Variants in ZSCAN29 observed in about 807,000 individuals in gnomAD.
ZSCAN29 encodes the protein zinc finger and SCAN domain containing 29.
In ZSCAN29, 55 loss-of-function variants were observed where a neutral mutation model predicts 71.9. The observed-to-expected ratio is 0.76, with a 90% CI of 0.62 to 0.96. The LOEUF (loss-of-function observed/expected upper bound fraction) is 0.96. Among genes scored for constraint, ZSCAN29 ranks in the 40% least tolerant of loss-of-function variants. The pLI is 0.00. For synonymous variants in ZSCAN29, 351 were observed against 371.6 expected (o/e 0.94, Z 0.64); for missense variants, 1,042 against 1,042.2 (o/e 1.00, Z 0.00).
intron 2 of ZSCAN29, 166 bp downstream of exon 2, chr15:43,369,430 A>C: frequency 2.8e-6 from 2 of 721,386 alleles, no homozygotes; most frequent in Non-Finnish European, 2.2e-6. Flanking sequence ...AGGTACACCC[A>C]GGAAGCATCT....
chr15:43,370,973 T>TGGCCCCGGCCCCGGCCCC lies in ZSCAN29; in HGVS notation c.-529_-528insGGGGCCGGGGCCGGGGCC, dbSNP rs775941816. On this transcript the variant is annotated 5_prime_UTR_variant, in exon 1 of 6. Transcript: ENST00000684362. Reference sequence around the variant, plus strand: ...GCCTCACCCACTCGGGGTCCGACCCTGACCCCGGCCCCGGCCCCGGCCCCG... The same window carrying TGGCCCCGGCCCCGGCCCC: ...GCCTCACCCACTCGGGGTCCGACCCTGGCCCCGGCCCCGGCCCCGACCCCGGCCCCGGCCCCGGCCCCG... 1.5e-4 allele frequency: 17 copies of TGGCCCCGGCCCCGGCCCC among 112,992 alleles called. No individual in the cohort carries two copies. The highest frequency in any genetic ancestry group is 2.8e-4 in the Admixed American group (2 of 7,230). The allele number at this position is 112,992 out of a possible 1,614,324, so 7.0% of individuals were successfully genotyped here.
rs1422552155 is a variant in ZSCAN29, at chr15:43,369,897, G to C, written c.17C>G (p.Ala6Gly). MMAKS[A>G]LRENGTNSET... ...AGAGTTAGTGCCATTCTCTCTTAGA[G>C]CTGATTTGGCCATCATTAATAGCAG... The change falls in exon 2 of 6, where the codon GCT becomes GGT. Residue 6 changes from alanine to glycine, a missense_variant. By Grantham distance (60) the Ala-to-Gly change is moderately conservative. Coordinates refer to ENST00000684362, the MANE Select transcript of ZSCAN29 (RefSeq NM_001372080.1). The C allele has an allele frequency of 6.2e-7, 1 of 1,602,896 alleles. No homozygotes were observed. Among genetic ancestry groups the C allele is most frequent in the East Asian group, 2.2e-5 (1 of 44,786 alleles).
chr15:43,358,431 G>C lies in ZSCAN29; in HGVS notation c.*2642C>G, dbSNP rs2043952817. Reference sequence around the variant, plus strand: ...AGATCCTGAGGCACTGCTTCAGACTGGTGTTTCTTGTAGCTTCCTGTCTGC... The same window carrying C: ...AGATCCTGAGGCACTGCTTCAGACTCGTGTTTCTTGTAGCTTCCTGTCTGC... On this transcript the variant is annotated 3_prime_UTR_variant, in exon 6 of 6. Transcript: ENST00000684362. 1 of 151,808 alleles carries C rather than the reference G, an allele frequency of 6.6e-6. No individual in the cohort carries two copies. The highest frequency in any genetic ancestry group is 1.5e-5 in the Non-Finnish European group (1 of 67,970). The allele number at this position is 151,808 out of a possible 1,614,324, so 9.4% of individuals were successfully genotyped here.
chr15:43,362,567 T>G (rs1447248539), intron 5 of ZSCAN29, among the ~76,000 whole-genome samples: 1 of 152,206 alleles, frequency 6.6e-6, no homozygotes, highest in Non-Finnish European at 1.5e-5. Context: ...CTATTTCAGG[T>G]AAACTCTGAA....
rs759913932 is a variant in ZSCAN29, at chr15:43,368,525, CAAAAAAAAAAAAAA to C, written c.523+384_523+397del. Among the ~76,000 whole-genome samples, 6 of 10,220 alleles carry C rather than the reference CAAAAAAAAAAAAAA, an allele frequency of 5.9e-4. 1 individual carries two copies. In the South Asian group the frequency reaches 0.017, roughly 30 times the overall value. The allele number at this position is 10,220 out of a possible 152,430, so 6.7% of individuals were successfully genotyped here. A position where few individuals can be genotyped will look rare whatever the true frequency, so the allele number is the denominator to read the frequency against. On this transcript the variant is annotated intron_variant, in intron 3 of 5. Transcript: ENST00000684362. ...TGGGCGACAGAGCGAGACTCCGTCT[CAAAAAAAAAAAAAA>C]AAAAAAAAAAAAAAAAAAAGAATGG... is the stretch of plus-strand genomic sequence containing the variant.
At position 43,361,555 on chromosome 15, in the gene ZSCAN29, G is replaced by A. The variant is rs748304231; in HGVS notation, c.2077C>T (p.Leu693Phe). ...GTGTGGATTCTCCGGTGTCTAATGA[G>A]TCGTGCACTCCGACTGAAGCTTTTC... ...CGKSFSRSARLIRHRRIHTGE... is the reference protein window; with the variant it reads ...CGKSFSRSARFIRHRRIHTGE... Residue 693 changes from leucine to phenylalanine, a missense_variant, in exon 6 of 6, where the codon CTC becomes TTC. Physicochemically the swap from Leu to Phe is conservative, Grantham distance 22. Coordinates refer to ENST00000684362, the MANE Select transcript of ZSCAN29 (RefSeq NM_001372080.1). 1.4e-5 allele frequency: 22 copies of A among 1,614,048 alleles called. No individual in the cohort carries two copies. In the South Asian group the frequency reaches 2.4e-4, roughly 18 times the overall value.
At chr15:43,364,514 T>C (rs1473903492) in intron 4 of ZSCAN29, 132 bp from the exon 5 acceptor site, 16 of 868,092 alleles carry the variant, frequency 1.8e-5, no homozygotes, top group Non-Finnish European at 2.8e-5. Context: ...AAATACTTCA[T>C]GTTTCCAAAA....
chr15:43,370,965 T>TCCGGCCCCGGCC lies in ZSCAN29; in HGVS notation c.-521_-520insGGCCGGGGCCGG, dbSNP rs1300558345. ...CCGGGCCAGCCTCACCCACTCGGGGTCCGACCCTGACCCCGGCCCCGGCCC... is the reference window on the plus strand; with the variant it reads ...CCGGGCCAGCCTCACCCACTCGGGGTCCGGCCCCGGCCCCGACCCTGACCCCGGCCCCGGCCC... On this transcript the variant is annotated 5_prime_UTR_variant, in exon 1 of 6. Transcript: ENST00000684362. 1.3e-5 allele frequency: 2 copies of TCCGGCCCCGGCC among 155,776 alleles called. No homozygotes were observed. The highest frequency in any genetic ancestry group is 2.6e-5 in the Non-Finnish European group (2 of 75,982). The allele number at this position is 155,776 out of a possible 1,614,324, so 9.6% of individuals were successfully genotyped here.
Position 43,366,132 on chromosome 15 carries a change from A to T in ZSCAN29, c.1200T>A (p.Pro400=). ...ATPQDPNSAA[P]VVFRSPGGVH... ...TACCACCTGGGCTTCTGAACACAAC[A>T]GGTGCAGCTGAGTTGGGGTCCTGGG... Residue 400 remains proline, a synonymous_variant, in exon 4 of 6, where the codon CCT becomes CCA. Transcript: ENST00000684362. The T allele has an allele frequency of 6.2e-7, 1 of 1,612,054 alleles. No individual in the cohort carries two copies. The highest frequency in any genetic ancestry group is 8.5e-7 in the Non-Finnish European group (1 of 1,179,126).
At position 43,369,611 on chromosome 15, in the gene ZSCAN29, T is replaced by C. The variant is rs2044078588; in HGVS notation, c.303A>G (p.Gly101=). ...TLVEDLEREP[G]RPRSSVTVSV... ...CCCTTCTCACCGAAGATCTAGGTCT[T>C]CCAGGCTCTCTTTCTAAATCTTCCA... is the stretch of plus-strand genomic sequence containing the variant. The change falls in exon 2 of 6, where the codon GGA becomes GGG. Residue 101 remains glycine, a synonymous_variant. Coordinates refer to ENST00000684362, the MANE Select transcript of ZSCAN29 (RefSeq NM_001372080.1). 1 of 1,612,992 alleles carries C rather than the reference T, an allele frequency of 6.2e-7. No individual in the cohort carries two copies. The highest frequency in any genetic ancestry group is 8.5e-7 in the Non-Finnish European group (1 of 1,179,282).
rs144922562 is a variant in ZSCAN29, at chr15:43,369,010, G to A, written c.436C>T (p.Pro146Ser). The A allele has an allele frequency of 2.5e-6, 4 of 1,612,588 alleles. No homozygotes were observed. The African/African-American group carries it at 4.0e-5, about 16-fold the overall frequency. Residue 146 changes from proline to serine, a missense_variant, in exon 3 of 6, where the codon CCC becomes TCC. Pro to Ser is a moderately conservative substitution (Grantham distance 74). Coordinates refer to ENST00000684362, the MANE Select transcript of ZSCAN29 (RefSeq NM_001372080.1). ...GGGCTTCTTGCCCTCTCTTTCTTGG[G>A]TACACCCCTGGGCTGGGGTTCCACT... ...ESVEPQPRGV[P>S]KKERARSPDL...
chr15:43,363,707 C>T, intron 5 of ZSCAN29: 1 of 514,426 alleles, frequency 1.9e-6, no homozygotes, highest in East Asian at 3.0e-5. Flanking sequence ...GCAGCTATCT[C>T]AGATTGATGC....
rs2043952772 is a variant in ZSCAN29, at chr15:43,358,421, G to A, written c.*2652C>T. On this transcript the variant is annotated 3_prime_UTR_variant, in exon 6 of 6. Transcript: ENST00000684362. ...AAATCATCTGAGATCCTGAGGCACT[G>A]CTTCAGACTGGTGTTTCTTGTAGCT... 1 of 151,398 alleles carries A rather than the reference G, an allele frequency of 6.6e-6. No individual in the cohort carries two copies. Among genetic ancestry groups the A allele is most frequent in the South Asian group, 2.1e-4 (1 of 4,810 alleles). The allele number at this position is 151,398 out of a possible 1,614,324, so 9.4% of individuals were successfully genotyped here. A position where few individuals can be genotyped will look rare whatever the true frequency, so the allele number is the denominator to read the frequency against.
intron 1 of ZSCAN29, chr15:43,370,256 C>T (rs1566885725): frequency 3.8e-6 from 1 of 262,632 alleles, no homozygotes; most frequent in Non-Finnish European, 7.3e-6. Context: ...AAATCCGATC[C>T]CATTTAACTT....
intron 5 of ZSCAN29, among the ~76,000 whole-genome samples, chr15:43,363,302 TTAAC>T (rs1163824964): frequency 2.0e-5 from 3 of 152,298 alleles, no homozygotes; most frequent in South Asian, 2.1e-4. Context: ...TCTAAGTCAC[TTAAC>T]TAATAAACAA....
chr15:43,358,680 G>GT lies in ZSCAN29; in HGVS notation c.*2392dup, dbSNP rs984837406. On this transcript the variant is annotated 3_prime_UTR_variant, in exon 6 of 6. Transcript: ENST00000684362. Reference sequence around the variant, plus strand: ...TCCCAGTCCTTGGCCATCTGGCCATGTTTATCTTTCTTCTCACCTGCTCAT... The same window carrying GT: ...TCCCAGTCCTTGGCCATCTGGCCATGTTTTATCTTTCTTCTCACCTGCTCAT... The GT allele has an allele frequency of 2.6e-5, 4 of 152,234 alleles. No individual in the cohort carries two copies. The highest frequency in any genetic ancestry group is 1.3e-4 in the Admixed American group (2 of 15,284). 9.4% of individuals were successfully genotyped at this position (152,234 alleles called of 1,614,324 possible).
Position 43,359,263 on chromosome 15 carries a change from A to T in ZSCAN29, c.*1810T>A, listed in dbSNP as rs2043959373. The T allele has an allele frequency of 6.6e-6, 1 of 152,230 alleles. No homozygotes were observed. Among genetic ancestry groups the T allele is most frequent in the South Asian group, 2.1e-4 (1 of 4,826 alleles). The allele number at this position is 152,230 out of a possible 1,614,324, so 9.4% of individuals were successfully genotyped here. On this transcript the variant is annotated 3_prime_UTR_variant, in exon 6 of 6. Coordinates refer to ENST00000684362, the MANE Select transcript of ZSCAN29 (RefSeq NM_001372080.1). The stretch of plus-strand genomic sequence containing the variant: ...TACCTAGCTTTCTAGATTTCTCTAA[A>T]ACTGCCGCAACTATGCATGTGCACT...
chr15:43,366,063 T>G, intron 4 of ZSCAN29, 47 bp downstream of exon 4: 8 of 1,538,730 alleles, frequency 5.2e-6, no homozygotes, highest in Non-Finnish European at 6.1e-6. Flanking sequence ...CCAGTCTCTT[T>G]GTTCCCCAAG....
In ZSCAN29 at chr15:43,360,208, G is replaced by A. The variant is rs1163638639; in HGVS notation, c.*865C>T. The A allele has an allele frequency of 1.3e-5, 2 of 151,806 alleles. No homozygotes were observed. Among genetic ancestry groups the A allele is most frequent in the Non-Finnish European group, 2.9e-5 (2 of 68,030 alleles). 9.4% of individuals were successfully genotyped at this position (151,806 alleles called of 1,614,324 possible). ...AAAATGCAAAATTTAGCCTGGTATG[G>A]TGGCAGGTGGCTGTAATCCCAGCTA... On this transcript the variant is annotated 3_prime_UTR_variant, in exon 6 of 6. Coordinates refer to ENST00000684362, the MANE Select transcript of ZSCAN29 (RefSeq NM_001372080.1).
Sources: gnomAD v4.1 joint callset for allele counts (sites outside exome capture counted in the v4.1 genomes callset) on GRCh38, gnomAD v4.1.1 for gene constraint, MANE v1.5 for transcripts, NCBI Gene and HGNC (gene_info 2026-07-23, HGNC 2026-07-21) for gene names.